NID2: variants seen among roughly 807,000 people sequenced by gnomAD.
NID2 encodes nidogen-2.
In NID2, 83 loss-of-function variants were observed where a neutral mutation model predicts 145.4. The ratio of observed to expected loss-of-function variants is 0.57; its 90% CI spans 0.48 to 0.69. The LOEUF is 0.69. Ranked by LOEUF, NID2 falls within the 30% of genes least tolerant of loss-of-function variation. The pLI is 0.00. For synonymous variants in NID2, 739 were observed against 701.3 expected (o/e 1.05, Z -0.85); for missense variants, 1,807 against 1,765.7 (o/e 1.02, Z -0.42).
At chr14:52,006,154 C>G (rs1463639587) in intron 20 of NID2, 1 of 409,770 alleles carries the variant, frequency 2.4e-6, no homozygotes, top group East Asian at 4.8e-5. Context: ...ATTTTTCGGT[C>G]CCTCAGACAA....
At chr14:52,058,315 G>A (rs1054636651) in intron 3 of NID2, among the ~76,000 whole-genome samples, 1 of 152,210 alleles carries the variant, frequency 6.6e-6, no homozygotes, top group Non-Finnish European at 1.5e-5. Flanking sequence ...CTAAATTCTA[G>A]AAGGACCATT....
In NID2 at chr14:52,028,870, G is replaced by T; in HGVS notation, c.2402-20C>A. On this transcript the variant is annotated intron_variant, in intron 10 of 21. Transcript: ENST00000216286. ...TTTCATCTAAGAAGAAATGAGAAGA[G>T]AAAAATTCTGCTTAATTCAAGGGTC... 6.2e-7 allele frequency: 1 copy of T among 1,611,836 alleles called. No individual in the cohort carries two copies. Among genetic ancestry groups the T allele is most frequent in the Non-Finnish European group, 8.5e-7 (1 of 1,179,132 alleles).
At chr14:52,066,135 G>T (rs570818500) in intron 2 of NID2, among the ~76,000 whole-genome samples, 2 of 152,204 alleles carry the variant, frequency 1.3e-5, no homozygotes, top group Admixed American at 1.3e-4. Flanking sequence ...GTAAAAGAGA[G>T]ATGGAATTTA....
chr14:52,056,685 T>G (rs2132771), intron 3 of NID2, among the ~76,000 whole-genome samples: 103,457 of 151,776 alleles, frequency 0.68, 36,129 homozygotes, highest in Non-Finnish European at 0.78. Context: ...CCAGCTACTC[T>G]GGAGGCTAAG....
intron 5 of NID2, among the ~76,000 whole-genome samples, chr14:52,052,660 C>G (rs2064141071): frequency 6.6e-6 from 1 of 152,198 alleles, no homozygotes; most frequent in African/African-American, 2.4e-5. Context: ...AGAAGGCCCT[C>G]TCTGCTAGGT....
chr14:52,006,283 A>T, intron 20 of NID2: 2 of 448,562 alleles, frequency 4.5e-6, no homozygotes, highest in Admixed American at 3.7e-5. Flanking sequence ...GACATTATCC[A>T]ATAGCTTTGC....
intron 8 of NID2, among the ~76,000 whole-genome samples, chr14:52,039,927 A>T (rs78655641): frequency 1.3e-5 from 2 of 152,162 alleles, no homozygotes; most frequent in African/African-American, 4.8e-5. Context: ...ATAATAAATT[A>T]TAGCATCTCT....
At position 52,007,906 on chromosome 14, in the gene NID2, C is replaced by T. The variant is rs1356397001; in HGVS notation, c.3784G>A (p.Gly1262Arg). Residue 1262 changes from glycine to arginine, a missense_variant, in exon 19 of 22, where the codon GGA becomes AGA. By Grantham distance (125) the Gly-to-Arg change is moderately radical. Transcript: ENST00000216286. ...TTGATCAGAATTCTTCTGTTTTCTCCATCTAAAGATGACGTTTCAATTTTA... is the reference window on the plus strand; with the variant it reads ...TTGATCAGAATTCTTCTGTTTTCTCTATCTAAAGATGACGTTTCAATTTTA... ...APKIETSSLD[G>R]ENRRILINTD... 4 of 1,613,922 alleles carry T rather than the reference C, an allele frequency of 2.5e-6. No homozygotes were observed. The highest frequency in any genetic ancestry group is 3.4e-6 in the Non-Finnish European group (4 of 1,179,852).
intron 13 of NID2, 22 bp downstream of exon 13, chr14:52,020,037 A>T: frequency 6.2e-7 from 1 of 1,613,128 alleles, no homozygotes; most frequent in Non-Finnish European, 8.5e-7. Flanking sequence ...TCATGTGCCT[A>T]ATCTGGCCCT....
At chr14:52,048,541 T>G (rs2749882) in intron 5 of NID2, among the ~76,000 whole-genome samples, 85,871 of 151,900 alleles carry the variant, frequency 0.57, 24,650 homozygotes, top group South Asian at 0.62. Context: ...GTGGTCATTT[T>G]CATGTCCCTA....
intron 11 of NID2, among the ~76,000 whole-genome samples, chr14:52,027,974 T>C (rs1891651718): frequency 6.6e-6 from 1 of 152,198 alleles, no homozygotes; most frequent in Non-Finnish European, 1.5e-5. Flanking sequence ...AGGTCTGTAG[T>C]ATTTTCTGGA....
chr14:52,006,445 G>C (rs746378402), intron 20 of NID2, 92 bp downstream of exon 20: 130 of 1,457,868 alleles, frequency 8.9e-5, no homozygotes, highest in Middle Eastern at 1.9e-4. Context: ...GGCTTAATGA[G>C]TCAAGTCAGG....
rs753534469 is a variant in NID2, at chr14:52,014,384, G to A, written c.3323C>T (p.Thr1108Ile). Residue 1108 changes from threonine to isoleucine, a missense_variant, in exon 16 of 22, where the codon ACC becomes ATC. Thr to Ile is a moderately conservative substitution (Grantham distance 89). Transcript: ENST00000216286. ...RPDVTPPSVG[T>I]FLLYTQGQQI... ...CTGGCCCTGAGTATAGAGCAGGAAG[G>A]TGCCCACAGATGGAGGGGTCACATC... The A allele has an allele frequency of 5.6e-6, 9 of 1,614,136 alleles. No homozygotes were observed. Among genetic ancestry groups the A allele is most frequent in the Non-Finnish European group, 7.6e-6 (9 of 1,180,050 alleles).
intron 20 of NID2, chr14:52,006,279 A>G: frequency 2.3e-6 from 1 of 444,176 alleles, no homozygotes; most frequent in South Asian, 2.7e-5. Context: ...TTGAGACATT[A>G]TCCAATAGCT....
chr14:52,018,960 A>C, intron 14 of NID2, 101 bp downstream of exon 14: 1 of 778,982 alleles, frequency 1.3e-6, no homozygotes, highest in South Asian at 1.7e-5. Flanking sequence ...AGAGGCTATG[A>C]AGGATGGTGA....
chr14:52,013,266 A>T (rs1180345494), intron 16 of NID2, among the ~76,000 whole-genome samples: 1 of 152,230 alleles, frequency 6.6e-6, no homozygotes, highest in African/African-American at 2.4e-5. Context: ...TCAGAAAGGC[A>T]ATCAAGCTCT....
chr14:52,060,643 T>C (rs1892997912), intron 2 of NID2, among the ~76,000 whole-genome samples: 1 of 152,228 alleles, frequency 6.6e-6, no homozygotes, highest in Admixed American at 6.5e-5. Context: ...TTAAAAAATA[T>C]ATACTTTGTA....
intron 2 of NID2, among the ~76,000 whole-genome samples, chr14:52,062,615 T>G (rs117668387): frequency 7.2e-5 from 11 of 152,308 alleles, no homozygotes; most frequent in Non-Finnish European, 1.6e-4. Context: ...TCAAAGCTCC[T>G]GGCATTGATC....
intron 2 of NID2, among the ~76,000 whole-genome samples, chr14:52,061,963 G>C (rs1368347257): frequency 1.3e-5 from 2 of 152,094 alleles, no homozygotes; most frequent in African/African-American, 4.8e-5. Flanking sequence ...ATTATTTACT[G>C]GTAAGTATCA....
Sources: gnomAD v4.1 joint callset for allele counts (sites outside exome capture counted in the v4.1 genomes callset) on GRCh38, gnomAD v4.1.1 for gene constraint, MANE v1.5 for transcripts, NCBI Gene and HGNC (gene_info 2026-07-23, HGNC 2026-07-21) for gene names.